Variants in WDR31 observed in about 807,000 individuals in gnomAD.
The protein encoded by WDR31 is WD repeat domain 31.
Under a neutral mutation model 47.3 loss-of-function variants are expected in WDR31, and 30 were observed. The ratio of observed to expected loss-of-function variants is 0.63; its 90% CI spans 0.47 to 0.86. The LOEUF is 0.86. Ranked by LOEUF, WDR31 falls within the 40% of genes least tolerant of loss-of-function variation. The pLI is 0.00. For missense variants in WDR31, 406 were observed against 442.9 expected (o/e 0.92, Z 0.75); for synonymous variants, 137 against 159.4 (o/e 0.86, Z 1.06).
At chr9:113,322,410 C>T (rs2118791438) in intron 7 of WDR31, among the ~76,000 whole-genome samples, 1 of 152,062 alleles carries the variant, frequency 6.6e-6, no homozygotes, top group South Asian at 2.1e-4. Context: ...CTACATAAAG[C>T]AAAAGGTAAT....
At chr9:113,322,688 G>T in intron 7 of WDR31, 123 bp downstream of exon 7, 1 of 876,602 alleles carries the variant, frequency 1.1e-6, no homozygotes, top group Non-Finnish European at 1.8e-6. Context: ...GCAGGTTAGG[G>T]GACAGCAATT....
chr9:113,330,627 G>A (rs1003897408), intron 4 of WDR31, among the ~76,000 whole-genome samples: 4 of 152,226 alleles, frequency 2.6e-5, no homozygotes, highest in Non-Finnish European at 5.9e-5. Context: ...CCATGTAGGT[G>A]TAACATGGGA....
intron 4 of WDR31, among the ~76,000 whole-genome samples, chr9:113,330,119 G>A (rs1564309733): frequency 6.6e-6 from 1 of 151,952 alleles, no homozygotes; most frequent in Non-Finnish European, 1.5e-5. Context: ...ATTATTTTTT[G>A]AGACAGAGTC....
chr9:113,338,478 T>G (rs1375549986), intron 1 of WDR31, among the ~76,000 whole-genome samples: 1 of 152,246 alleles, frequency 6.6e-6, no homozygotes, highest in Non-Finnish European at 1.5e-5. Flanking sequence ...TGTAATATAC[T>G]TGAGAGGAGG....
In WDR31 at chr9:113,323,053, A is replaced by G. The variant is rs774187308; in HGVS notation, c.427T>C (p.Cys143Arg). 2.5e-5 allele frequency: 41 copies of G among 1,614,218 alleles called. No homozygotes were observed. Among genetic ancestry groups the G allele is most frequent in the Non-Finnish European group, 3.5e-5 (41 of 1,180,034 alleles). The change falls in exon 6 of 11, where the codon TGT (cysteine) becomes CGT (arginine). Residue 143 changes from cysteine to arginine, a missense_variant. Transcript: ENST00000374193. ...HGSSQPRQQL[C>R]GHAMVVTGLA... The stretch of plus-strand genomic sequence containing the variant: ...CCGGTGACCACCATGGCATGGCCAC[A>G]CAATTGCTGCCTTGGTTGTGAGGAA...
At chr9:113,330,254 T>C (rs12348581) in intron 4 of WDR31, among the ~76,000 whole-genome samples, 4,273 of 152,022 alleles carry the variant, frequency 0.028, 202 homozygotes, top group African/African-American at 0.097. Context: ...GCAAGCGCCA[T>C]CATGCCCAGC....
rs1471941142 is a variant in WDR31 at position 113,331,091 on chromosome 9, T to C, written c.142A>G (p.Arg48Gly). 3 of 1,593,970 alleles carry C rather than the reference T, an allele frequency of 1.9e-6. No individual in the cohort carries two copies. Among genetic ancestry groups the C allele is most frequent in the Non-Finnish European group, 2.6e-6 (3 of 1,167,616 alleles). ...YGRPDEIIEE[R>G]IQTKAFQEYS... Reference sequence around the variant, plus strand: ...TCTTGAAAAGCTTTAGTTTGAATTCTCTCTTCTATAATTTCATCAGGCCTG... The same window carrying C: ...TCTTGAAAAGCTTTAGTTTGAATTCCCTCTTCTATAATTTCATCAGGCCTG... Residue 48 changes from arginine to glycine, a missense_variant, in exon 4 of 11, where the codon AGA (arginine) becomes GGA (glycine). Transcript: ENST00000374193.
At chr9:113,339,256 C>T (rs145582385) in intron 1 of WDR31, among the ~76,000 whole-genome samples, 11 of 152,326 alleles carry the variant, frequency 7.2e-5, no homozygotes, top group Admixed American at 2.0e-4. Context: ...TACACCAGTA[C>T]CTATCCGACT....
Position 113,333,247 on chromosome 9 carries a change from C to T in WDR31, c.-28-1197G>A, listed in dbSNP as rs114672038. 6.3e-3 allele frequency among the ~76,000 whole-genome samples: 906 copies of T among 142,794 alleles called. 10 individuals are homozygous for T. The highest frequency in any genetic ancestry group is 0.021 in the African/African-American group (855 of 40,684). 93.7% of individuals were successfully genotyped at this position (142,794 alleles called of 152,430 possible). ...TAAATTTTATGTTATGTGCACTCTG[C>T]CACAATAAAATAAATACTAAGAAGA... On this transcript the variant is annotated intron_variant, in intron 2 of 10. Transcript: ENST00000374193.
In WDR31 at chr9:113,331,076, C is replaced by A; in HGVS notation, c.157G>T (p.Ala53Ser). The A allele has an allele frequency of 2.7e-6, 4 of 1,454,970 alleles. No individual in the cohort carries two copies. The highest frequency in any genetic ancestry group is 2.8e-6 in the Non-Finnish European group (3 of 1,085,106). The allele number at this position is 1,454,970 out of a possible 1,614,324, so 90.1% of individuals were successfully genotyped here. A position where few individuals can be genotyped will look rare whatever the true frequency, so the allele number is the denominator to read the frequency against. ...EIIEERIQTKAFQEYSPAHMD... is the reference protein window; with the variant it reads ...EIIEERIQTKSFQEYSPAHMD... ...TGAGCTGGGCTATACTCTTGAAAAG[C>A]TTTAGTTTGAATTCTCTCTTCTATA... is the stretch of plus-strand genomic sequence containing the variant. The change falls in exon 4 of 11, where the codon GCT becomes TCT. Residue 53 changes from alanine to serine, a missense_variant. By Grantham distance (99) the Ala-to-Ser change is moderately conservative. Transcript: ENST00000374193.
chr9:113,319,680 G>C (rs1430450021), intron 9 of WDR31, among the ~76,000 whole-genome samples: 3 of 152,136 alleles, frequency 2.0e-5, no homozygotes, highest in Admixed American at 6.5e-5. Context: ...TTAAATGTAA[G>C]GAAGGTACAT....
At position 113,320,344 on chromosome 9, in the gene WDR31, C is replaced by A; in HGVS notation, c.780+13G>T. 2 of 1,613,362 alleles carry A rather than the reference C, an allele frequency of 1.2e-6. No homozygotes were observed. Among genetic ancestry groups the A allele is most frequent in the Non-Finnish European group, 1.7e-6 (2 of 1,179,580 alleles). Reference sequence around the variant, plus strand: ...TCAGCAACCAGATACCTGGACCTCACACAGTCTCCTACCGTGGCTTCACAG... The same window carrying A: ...TCAGCAACCAGATACCTGGACCTCAAACAGTCTCCTACCGTGGCTTCACAG... On this transcript the variant is annotated intron_variant, in intron 9 of 10. Coordinates refer to ENST00000374193, the MANE Select transcript of WDR31 (RefSeq NM_001012361.4).
chr9:113,322,295 AATAG>A, intron 7 of WDR31, among the ~76,000 whole-genome samples: 1 of 152,118 alleles, frequency 6.6e-6, no homozygotes, highest in Non-Finnish European at 1.5e-5. Context: ...ACTGGTAAGT[AATAG>A]ATCCATGATT....
Position 113,321,375 on chromosome 9 carries a change from C to A in WDR31, c.638+136G>T, listed in dbSNP as rs918680148. ...GGGCCAAAGCAGAGAGGCCCCAGCA[C>A]CAGTGAAGGGCAGAGGAACAGAAGG... On this transcript the variant is annotated intron_variant, in intron 8 of 10. Coordinates refer to ENST00000374193, the MANE Select transcript of WDR31 (RefSeq NM_001012361.4). 4.9e-6 allele frequency: 4 copies of A among 817,010 alleles called. No individual in the cohort carries two copies. In the African/African-American group the frequency reaches 6.9e-5, roughly 14 times the overall value. 50.6% of individuals were successfully genotyped at this position (817,010 alleles called of 1,614,324 possible).
Position 113,320,473 on chromosome 9 carries a change from C to G in WDR31, c.664G>C (p.Val222Leu), listed in dbSNP as rs934495054. 4.3e-6 allele frequency: 7 copies of G among 1,614,024 alleles called. No individual in the cohort carries two copies. Among genetic ancestry groups the G allele is most frequent in the East Asian group, 4.5e-5 (2 of 44,902 alleles). ...TGCTTTGCAGGAAACATATGAGCTA[C>G]CTGCAGCCCCCGACTGTCCCATAAT... ...LRLWDSRGLQ[V>L]AHMFPAKQHI... Residue 222 changes from valine (V) to leucine (L), a missense_variant, in exon 9 of 11, where the codon GTA (valine) becomes CTA (leucine). Coordinates refer to ENST00000374193, the MANE Select transcript of WDR31 (RefSeq NM_001012361.4).
intron 9 of WDR31, among the ~76,000 whole-genome samples, chr9:113,319,435 A>G (rs778893445): frequency 5.3e-5 from 8 of 152,254 alleles, no homozygotes; most frequent in South Asian, 2.1e-4. Context: ...CCATGCCTCT[A>G]TTTCCTTGTC....
At chr9:113,334,590 A>T (rs908858242) in intron 2 of WDR31, among the ~76,000 whole-genome samples, 3 of 150,402 alleles carry the variant, frequency 2.0e-5, no homozygotes, top group African/African-American at 7.3e-5. Flanking sequence ...CCCAGGCTGG[A>T]GTGCAATGGC....
At position 113,323,192 on chromosome 9, in the gene WDR31, T is replaced by C. The variant is rs541431735; in HGVS notation, c.325-37A>G. The C allele has an allele frequency of 6.3e-6, 10 of 1,599,444 alleles. No individual in the cohort carries two copies. In the South Asian group the frequency reaches 9.1e-5, roughly 15 times the overall value. ...AAAAACAACAACACTGAAATAGCTC[T>C]GGTATGCTAGTTGGACTGGACTTTA... is the stretch of plus-strand genomic sequence containing the variant. On this transcript the variant is annotated intron_variant, in intron 5 of 10. Transcript: ENST00000374193.
intron 1 of WDR31, among the ~76,000 whole-genome samples, chr9:113,339,261 C>T (rs1833778862): frequency 6.6e-6 from 1 of 152,208 alleles, no homozygotes; most frequent in Non-Finnish European, 1.5e-5. Context: ...CAGTACCTAT[C>T]CGACTGTTCT....
Sources: allele counts gnomAD v4.1 joint callset (sites outside exome capture counted in the v4.1 genomes callset), GRCh38; gene constraint gnomAD v4.1.1; transcripts MANE v1.5; gene names NCBI Gene and HGNC (gene_info 2026-07-23, HGNC 2026-07-21).